Variants in CD36 observed in about 807,000 individuals in gnomAD.
CD36 encodes CD36 molecule (CD36 blood group), also known as platelet glycoprotein 4.
CD36 carries 119 observed loss-of-function variants against 55.2 expected under a neutral mutation model. The observed-to-expected ratio is 2.15, with a 90% CI of 1.86 to 2.51. The LOEUF (loss-of-function observed/expected upper bound fraction) is 2.51, where lower values mean the gene tolerates loss of function less well. Among genes scored for constraint, CD36 ranks in the 30% most tolerant of loss-of-function variants. The pLI, the probability that CD36 is intolerant of heterozygous loss-of-function variation, is 0.00. For synonymous variants in CD36, 186 were observed against 193.6 expected, an observed-to-expected ratio of 0.96 and a Z score of 0.33; for missense variants, 819 against 555.5, an observed-to-expected ratio of 1.47 and a Z score of -4.77.
At chr7:80,640,951 A>G (rs1437114302) in intron 1 of CD36, among the ~76,000 whole-genome samples, 2 of 152,010 alleles carry the variant, frequency 1.3e-5, no homozygotes, top group Non-Finnish European at 2.9e-5. Flanking sequence ...TTCTGATAGG[A>G]TAGAAATGGA....
At chr7:80,603,902 C>A (rs183824226) in intron 1 of CD36, among the ~76,000 whole-genome samples, 2 of 151,928 alleles carry the variant, frequency 1.3e-5, no homozygotes, top group African/African-American at 2.4e-5. Context: ...GATGTGACTG[C>A]GGCTCATTTT....
intron 3 of CD36, among the ~76,000 whole-genome samples, chr7:80,653,246 G>A (rs191494599): frequency 6.6e-6 from 1 of 152,284 alleles, no homozygotes; most frequent in Non-Finnish European, 1.5e-5. Flanking sequence ...GTAGAAATGT[G>A]TAAAGTCCTT....
At chr7:80,659,206 C>A (rs17154225) in intron 4 of CD36, among the ~76,000 whole-genome samples, 21 of 152,208 alleles carry the variant, frequency 1.4e-4, no homozygotes, top group Middle Eastern at 3.4e-3. Context: ...GCTAAACATG[C>A]TTTTTCATAA....
intron 1 of CD36, chr7:80,633,240 A>C (rs1458967522): frequency 2.6e-5 from 4 of 152,030 alleles, no homozygotes; most frequent in African/African-American, 4.8e-5. Context: ...TAGGTCTGCC[A>C]ACATTTTTAG....
chr7:80,629,627 T>C (rs1465476956), intron 1 of CD36, among the ~76,000 whole-genome samples: 1 of 152,002 alleles, frequency 6.6e-6, no homozygotes, highest in African/African-American at 2.4e-5. Context: ...ATTATAGATG[T>C]GGAGTTGTGA....
chr7:80,678,211 A>C lies in CD36; in HGVS notation c.*1828A>C, dbSNP rs909418645. ...GAAGTTAATGTTGTTCAGAAAGGGT[A>C]AATGTTTGGACACTTGCAATTGCTC... On this transcript the variant is annotated 3_prime_UTR_variant, in exon 15 of 15. Coordinates refer to ENST00000447544, the MANE Select transcript of CD36 (RefSeq NM_001001548.3). 5.3e-5 allele frequency: 8 copies of C among 152,092 alleles called. No individual in the cohort carries two copies. Among genetic ancestry groups the C allele is most frequent in the Middle Eastern group, 3.2e-3 (1 of 316 alleles). The allele number at this position is 152,092 out of a possible 1,614,324, so 9.4% of individuals were successfully genotyped here.
chr7:80,627,969 T>G (rs1182302908), intron 1 of CD36, among the ~76,000 whole-genome samples: 1 of 152,034 alleles, frequency 6.6e-6, no homozygotes, highest in Admixed American at 6.6e-5. Context: ...ACTATTTACC[T>G]GTTTGCTACT....
chr7:80,638,249 C>G (rs1009057693), upstream of CD36, among the ~76,000 whole-genome samples: 1 of 151,894 alleles, frequency 6.6e-6, no homozygotes, highest in Non-Finnish European at 1.5e-5. Context: ...CAAGCTCAGT[C>G]AAGACAGGGA....
At chr7:80,616,421 C>CTGTGTG (rs143980767) in intron 1 of CD36, among the ~76,000 whole-genome samples, 325 of 145,516 alleles carry the variant, frequency 2.2e-3, no homozygotes, top group African/African-American at 7.8e-3. Flanking sequence ...TGGGGACCAT[C>CTGTGTG]TGTGTGTGTG....
At chr7:80,625,859 GC>G (rs1793711350) in intron 1 of CD36, among the ~76,000 whole-genome samples, 1 of 152,052 alleles carries the variant, frequency 6.6e-6, no homozygotes, top group Non-Finnish European at 1.5e-5. Context: ...ATATTTGTCT[GC>G]CCAATACATA....
chr7:80,650,395 A>T (rs965785720), intron 3 of CD36, among the ~76,000 whole-genome samples: 1 of 151,966 alleles, frequency 6.6e-6, no homozygotes, highest in Non-Finnish European at 1.5e-5. Context: ...TTTTTAAATG[A>T]TATTGGCGTA....
intron 3 of CD36, among the ~76,000 whole-genome samples, chr7:80,649,075 A>G (rs558828686): frequency 2.0e-5 from 3 of 152,260 alleles, no homozygotes; most frequent in African/African-American, 7.2e-5. Context: ...GTAAGATATG[A>G]TAAAACCTGA....
At chr7:80,622,981 C>T (rs1161001082) in intron 1 of CD36, among the ~76,000 whole-genome samples, 1 of 146,538 alleles carries the variant, frequency 6.8e-6, no homozygotes, top group Non-Finnish European at 1.5e-5. Flanking sequence ...CTGAACTAAA[C>T]TTTAGACAAC....
At chr7:80,664,913 T>TTTTAAATCGAGCATATCGAATTCCATA (rs1796911347) in intron 7 of CD36, among the ~76,000 whole-genome samples, 1 of 152,044 alleles carries the variant, frequency 6.6e-6, no homozygotes, top group Non-Finnish European at 1.5e-5. Flanking sequence ...TTTTTTTACT[T>TTTTAAATCGAGCATATCGAATTCCATA]TTTAAATCGA....
chr7:80,643,365 T>G (rs550218631), intron 1 of CD36, among the ~76,000 whole-genome samples: 1 of 152,286 alleles, frequency 6.6e-6, no homozygotes, highest in East Asian at 1.9e-4. Context: ...ACATTAATAT[T>G]GAATGAGTAA....
intron 1 of CD36, among the ~76,000 whole-genome samples, chr7:80,641,539 A>G (rs1177889977): frequency 6.6e-6 from 1 of 152,034 alleles, no homozygotes; most frequent in African/African-American, 2.4e-5. Context: ...CCTAAGAAAA[A>G]GTGGGAGGAA....
chr7:80,665,946 A>T (rs1797048737), intron 7 of CD36: 1 of 157,206 alleles, frequency 6.4e-6, no homozygotes, highest in Non-Finnish European at 1.4e-5. Context: ...AGGGGCAAGA[A>T]TATAAATTAA....
upstream of CD36, among the ~76,000 whole-genome samples, chr7:80,635,495 G>C (rs1279011346): frequency 6.6e-6 from 1 of 151,950 alleles, no homozygotes; most frequent in Non-Finnish European, 1.5e-5. Context: ...AGCTACTCTC[G>C]AACTCCTGAC....
chr7:80,659,836 TTG>T (rs200143957), intron 4 of CD36, among the ~76,000 whole-genome samples: 3 of 152,182 alleles, frequency 2.0e-5, no homozygotes, highest in African/African-American at 4.8e-5. Flanking sequence ...TTTATATTCT[TTG>T]TGTGTCTGCA....
Sources: gnomAD v4.1 joint callset for allele counts (sites outside exome capture counted in the v4.1 genomes callset) on GRCh38, gnomAD v4.1.1 for gene constraint, MANE v1.5 for transcripts, NCBI Gene and HGNC (gene_info 2026-07-23, HGNC 2026-07-21) for gene names.